USP1: variants seen among roughly 807,000 people sequenced by gnomAD.
The protein encoded by USP1 is ubiquitin specific peptidase 1.
A neutral mutation model predicts 72.2 loss-of-function variants in USP1; 18 were observed. The ratio of observed to expected loss-of-function variants is 0.25; its 90% CI spans 0.17 to 0.37. The LOEUF (loss-of-function observed/expected upper bound fraction) is 0.37, where lower values mean the gene tolerates loss of function less well. Ranked by LOEUF, USP1 falls within the 10% of genes least tolerant of loss-of-function variation. The pLI is 1.00. For missense variants in USP1, 759 were observed against 884.9 expected (o/e 0.86, Z 1.81); for synonymous variants, 354 against 303.7 (o/e 1.17, Z -1.72).
intron 4 of USP1, 105 bp from the exon 5 acceptor site, chr1:62,443,054 T>G: frequency 8.2e-7 from 1 of 1,224,220 alleles, no homozygotes; most frequent in Non-Finnish European, 1.1e-6. Flanking sequence ...TTAGTGCTAT[T>G]ATGCAACTTA....
upstream of USP1, chr1:62,436,842 T>C: frequency 3.0e-6 from 1 of 337,332 alleles, no homozygotes; most frequent in Non-Finnish European, 5.3e-6. Flanking sequence ...TGTTTGAAAC[T>C]GTGGAACCCG....
At chr1:62,444,491 A>G (rs1397665302) in intron 5 of USP1, among the ~76,000 whole-genome samples, 1 of 152,180 alleles carries the variant, frequency 6.6e-6, no homozygotes, top group Non-Finnish European at 1.5e-5. Flanking sequence ...GTGTATGGTA[A>G]GCATTATCTA....
Position 62,440,131 on chromosome 1 carries a change from G to A in USP1, c.170+94G>A, listed in dbSNP as rs913350672. On this transcript the variant is annotated intron_variant, in intron 2 of 8. Transcript: ENST00000339950. The stretch of plus-strand genomic sequence containing the variant: ...CCAGTCTGACTTGATAGTCTGTAGC[G>A]GCACAAAAAAGTACGCTTCAGTGTA... 3.5e-5 allele frequency: 42 copies of A among 1,185,112 alleles called. No homozygotes were observed. In the African/African-American group the frequency reaches 4.9e-4, roughly 14 times the overall value. 73.4% of individuals were successfully genotyped at this position (1,185,112 alleles called of 1,614,324 possible). A position where few individuals can be genotyped will look rare whatever the true frequency, so the allele number is the denominator to read the frequency against.
chr1:62,441,671 T>C, intron 3 of USP1, 63 bp downstream of exon 3: 2 of 1,521,598 alleles, frequency 1.3e-6, no homozygotes, highest in Non-Finnish European at 8.8e-7. Flanking sequence ...TAGCATTTAA[T>C]GTTTTTGAGT....
At position 62,445,153 on chromosome 1, in the gene USP1, A is replaced by C. The variant is rs184756627; in HGVS notation, c.973A>C (p.Asn325His). The C allele has an allele frequency of 5.0e-6, 8 of 1,613,534 alleles. No homozygotes were observed. Among genetic ancestry groups the C allele is most frequent in the Non-Finnish European group, 6.8e-6 (8 of 1,179,896 alleles). The change falls in exon 6 of 9, where the codon AAT (asparagine) becomes CAT (histidine). Residue 325 changes from asparagine (N) to histidine (H), a missense_variant. Asn to His is a moderately conservative substitution (Grantham distance 68, BLOSUM62 1). Around this residue, in one of 9 missense-constraint regions of USP1, gnomAD observed 245 missense variants for 240.7 expected, o/e 1.02. Transcript: ENST00000339950. ...AATAATTCCCAAGTATATTTCTGAA[A>C]ATGAGAGTCCAAGACCCTCACAAAA... ...PKIIPKYISE[N>H]ESPRPSQKKS...
At chr1:62,447,319 C>T (rs1015521638) in intron 6 of USP1, 22 bp from the exon 7 acceptor site, 8 of 1,605,888 alleles carry the variant, frequency 5.0e-6, no homozygotes, top group South Asian at 4.5e-5. Context: ...TATAGACTTA[C>T]ATTTTCCTAT....
At chr1:62,444,672 C>A in intron 5 of USP1, 66 bp from the exon 6 acceptor site, 1 of 1,205,478 alleles carries the variant, frequency 8.3e-7, no homozygotes, top group African/African-American at 1.6e-5. Context: ...GAATTAATTT[C>A]TATATAGGCT....
intron 1 of USP1, among the ~76,000 whole-genome samples, chr1:62,437,755 C>T (rs1368888804): frequency 6.6e-6 from 1 of 152,182 alleles, no homozygotes; most frequent in African/African-American, 2.4e-5. Context: ...GAGAAAGAAA[C>T]GTTTCCACGC....
intron 8 of USP1, among the ~76,000 whole-genome samples, chr1:62,449,134 T>C (rs1014629487): frequency 2.0e-5 from 3 of 152,234 alleles, no homozygotes; most frequent in Non-Finnish European, 4.4e-5. Context: ...TCCACCTGCC[T>C]TAGCCTCACA....
intron 4 of USP1, among the ~76,000 whole-genome samples, chr1:62,442,627 GTATT>G (rs1428646726): frequency 6.6e-6 from 1 of 152,110 alleles, no homozygotes; most frequent in East Asian, 1.9e-4. Flanking sequence ...TAAATACAGT[GTATT>G]TAAAGAAATC....
At chr1:62,438,899 T>C (rs1056079188) in intron 1 of USP1, among the ~76,000 whole-genome samples, 1 of 152,208 alleles carries the variant, frequency 6.6e-6, no homozygotes, top group African/African-American at 2.4e-5. Context: ...ATCGAACAGT[T>C]TTTTTTATCA....
At position 62,442,172 on chromosome 1, in the gene USP1, TAAGAC is replaced by T. The variant is rs1488763910; in HGVS notation, c.292-20_292-16del. On this transcript the variant is annotated intron_variant, in intron 3 of 8. Coordinates refer to ENST00000339950, the MANE Select transcript of USP1 (RefSeq NM_003368.5). ...GTGTATTGTTTGTTCAGTAAACACT[TAAGAC>T]AATCTCACTTTTTATAGGTATTATA... 1.3e-5 allele frequency: 19 copies of T among 1,471,366 alleles called. No homozygotes were observed. The highest frequency in any genetic ancestry group is 1.8e-5 in the Non-Finnish European group (19 of 1,063,332). The allele number at this position is 1,471,366 out of a possible 1,614,324, so 91.1% of individuals were successfully genotyped here.
Position 62,445,023 on chromosome 1 carries a change from G to T in USP1, c.843G>T (p.Lys281Asn), listed in dbSNP as rs774334645. Residue 281 changes from lysine (K) to asparagine (N), a missense_variant, in exon 6 of 9, where the codon AAG (lysine) becomes AAT (asparagine). By Grantham distance (94) the Lys-to-Asn change is moderately conservative. Around this residue, in one of 9 missense-constraint regions of USP1, gnomAD observed 245 missense variants for 240.7 expected, o/e 1.02. Transcript: ENST00000339950. The stretch of plus-strand genomic sequence containing the variant: ...GTGACACTGAATTTGGTAACATGAA[G>T]AAAAAAGTTAAATTATCCAAGGAAC... ...RKSDTEFGNM[K>N]KKVKLSKEHQ... is the part of the protein sequence containing the mutation. 1 of 1,612,464 alleles carries T rather than the reference G, an allele frequency of 6.2e-7. No homozygotes were observed. Among genetic ancestry groups the T allele is most frequent in the Admixed American group, 1.7e-5 (1 of 59,718 alleles).
chr1:62,446,255 G>T lies in USP1; in HGVS notation c.1249+826G>T, dbSNP rs555919487. Among the ~76,000 whole-genome samples, 44 of 151,990 alleles carry T rather than the reference G, an allele frequency of 2.9e-4. No individual in the cohort carries two copies. The South Asian group carries it at 8.9e-3, about 31-fold the overall frequency. ...ACTAGCCTATATGGTATAGACCAGGGTATCTAATCTTTTGGCTTCCTTGGG... is the reference window on the plus strand; with the variant it reads ...ACTAGCCTATATGGTATAGACCAGGTTATCTAATCTTTTGGCTTCCTTGGG... On this transcript the variant is annotated intron_variant, in intron 6 of 8. Transcript: ENST00000339950.
At chr1:62,444,649 A>G (rs1645157253) in intron 5 of USP1, 89 bp from the exon 6 acceptor site, 4 of 1,052,696 alleles carry the variant, frequency 3.8e-6, no homozygotes, top group Non-Finnish European at 5.1e-6. Flanking sequence ...ATAATTTATG[A>G]TTTTCCTTAC....
intron 1 of USP1, 142 bp from the exon 2 acceptor site, chr1:62,439,657 A>G (rs1358640536): frequency 9.6e-6 from 4 of 415,866 alleles, no homozygotes; most frequent in Non-Finnish European, 1.7e-5. Context: ...ATAAATATTG[A>G]GTGCTTATTG....
chr1:62,444,772 C>A lies in USP1; in HGVS notation c.592C>A (p.His198Asn). The change falls in exon 6 of 9, where the codon CAT becomes AAT. Residue 198 changes from histidine (H) to asparagine (N), a missense_variant. Coordinates refer to ENST00000339950, the MANE Select transcript of USP1 (RefSeq NM_003368.5). The stretch of plus-strand genomic sequence containing the variant: ...CCCTATGTATGAAGGATATCTACAG[C>A]ATGATGCACAGGAAGTATTACAATG... ...LNPMYEGYLQHDAQEVLQCIL... is the reference protein window; with the variant it reads ...LNPMYEGYLQNDAQEVLQCIL... The A allele has an allele frequency of 6.2e-7, 1 of 1,606,372 alleles. No individual in the cohort carries two copies. Among genetic ancestry groups the A allele is most frequent in the Non-Finnish European group, 8.5e-7 (1 of 1,177,550 alleles).
chr1:62,443,040 A>T, intron 4 of USP1, 119 bp from the exon 5 acceptor site: 1 of 1,080,192 alleles, frequency 9.3e-7, no homozygotes, highest in Non-Finnish European at 1.3e-6. Flanking sequence ...TACATCCCTT[A>T]AAATTAGTGC....
Position 62,447,655 on chromosome 1 carries a change from C to T in USP1, c.1420+144C>T, listed in dbSNP as rs139334451. On this transcript the variant is annotated intron_variant, in intron 7 of 8. Coordinates refer to ENST00000339950, the MANE Select transcript of USP1 (RefSeq NM_003368.5). ...TAATGTAACCTTTCTGCTTATCTGG[C>T]TTCACTTATAAATGGTTAGCATTTG... is the stretch of plus-strand genomic sequence containing the variant. The T allele has an allele frequency of 4.5e-4, 382 of 839,732 alleles. No individual in the cohort carries two copies. The African/African-American group carries it at 6.0e-3, about 13-fold the overall frequency. 52.0% of individuals were successfully genotyped at this position (839,732 alleles called of 1,614,324 possible).
Sources: gnomAD v4.1 joint callset for allele counts (sites outside exome capture counted in the v4.1 genomes callset) on GRCh38, gnomAD v4.1.1 for gene constraint, gnomAD v4.1.1 regional missense constraint, MANE v1.5 for transcripts, NCBI Gene and HGNC (gene_info 2026-07-23, HGNC 2026-07-21) for gene names.